PRKCB: variants seen among roughly 807,000 people sequenced by gnomAD.
PRKCB encodes the protein protein kinase C beta, also known as protein kinase C beta type.
Under a neutral mutation model 81.5 loss-of-function variants are expected in PRKCB, and 13 were observed. The observed-to-expected ratio is 0.16, with a 90% CI of 0.10 to 0.25. PRKCB has a LOEUF of 0.25. Among genes scored for constraint, PRKCB ranks in the 10% least tolerant of loss-of-function variants. The pLI is 1.00. For synonymous variants in PRKCB, 335 were observed against 321.4 expected (o/e 1.04, Z -0.45); for missense variants, 509 against 875.7 (o/e 0.58, Z 5.29).
chr16:24,118,523 T>C (rs1363871982), intron 8 of PRKCB, among the ~76,000 whole-genome samples: 1 of 152,126 alleles, frequency 6.6e-6, no homozygotes, highest in African/African-American at 2.4e-5. Flanking sequence ...TAGTTCCTTG[T>C]AGGGGTGGAG....
intron 2 of PRKCB, among the ~76,000 whole-genome samples, chr16:23,882,005 TCTTTCTTTCTTTCTTTCTTC>T (rs1370303707): frequency 0.014 from 894 of 62,874 alleles, 10 homozygotes; most frequent in African/African-American, 0.02. Flanking sequence ...TTTCTTTCTT[TCTTTCTTTCTTTCTTTCTTC>T]CTTCCTTCCT....
chr16:24,026,867 C>T (rs1002475993), intron 3 of PRKCB, among the ~76,000 whole-genome samples: 1 of 152,200 alleles, frequency 6.6e-6, no homozygotes, highest in African/African-American at 2.4e-5. Flanking sequence ...CGAGCTCCAC[C>T]ACTGGGGTCT....
intron 2 of PRKCB, among the ~76,000 whole-genome samples, chr16:23,880,709 CA>C (rs1476427506): frequency 6.9e-6 from 1 of 144,890 alleles, no homozygotes; most frequent in East Asian, 1.9e-4. Flanking sequence ...TTCGCTAAAA[CA>C]TTTTTTTTTC....
At chr16:24,201,274 T>C (rs1432330848) in intron 16 of PRKCB, among the ~76,000 whole-genome samples, 1 of 152,136 alleles carries the variant, frequency 6.6e-6, no homozygotes, top group Non-Finnish European at 1.5e-5. Flanking sequence ...AACTGACTTT[T>C]AAGCAAAAAA....
chr16:24,050,898 G>T (rs910633341), intron 5 of PRKCB, among the ~76,000 whole-genome samples: 3 of 151,804 alleles, frequency 2.0e-5, no homozygotes, highest in African/African-American at 7.3e-5. Context: ...CTATCACATC[G>T]GGTGCTGCTA....
intron 2 of PRKCB, among the ~76,000 whole-genome samples, chr16:23,976,317 GC>G (rs1024559529): frequency 6.6e-6 from 1 of 151,514 alleles, no homozygotes; most frequent in Non-Finnish European, 1.5e-5. Context: ...CACAAAAACC[GC>G]CCCCCCAAAA....
At chr16:23,990,468 A>G (rs965853494) in intron 3 of PRKCB, among the ~76,000 whole-genome samples, 1 of 151,064 alleles carries the variant, frequency 6.6e-6, no homozygotes, top group Non-Finnish European at 1.5e-5. Context: ...GAAAAAAAAG[A>G]AAAAAAAGAA....
At chr16:24,174,055 C>T (rs1047013917) in intron 11 of PRKCB, among the ~76,000 whole-genome samples, 1 of 152,164 alleles carries the variant, frequency 6.6e-6, no homozygotes, top group Non-Finnish European at 1.5e-5. Context: ...GTTGCTCAGA[C>T]TGGAATGCAT....
chr16:24,174,831 G>C (rs1484109161), intron 12 of PRKCB: 1 of 421,736 alleles, frequency 2.4e-6, no homozygotes, highest in African/African-American at 2.0e-5. Context: ...ACAGGAGACT[G>C]TTTGCTCTAA....
At chr16:24,093,016 G>GGAGGAAC in intron 6 of PRKCB, 69 bp downstream of exon 6, 1 of 1,503,308 alleles carries the variant, frequency 6.7e-7, no homozygotes, top group Non-Finnish European at 9.0e-7. Flanking sequence ...AAATCAGGGA[G>GGAGGAAC]TTCCTCCTCC....
At chr16:24,067,231 A>G (rs1393005932) in intron 5 of PRKCB, among the ~76,000 whole-genome samples, 2 of 152,112 alleles carry the variant, frequency 1.3e-5, no homozygotes, top group Admixed American at 6.6e-5. Flanking sequence ...AAACATCTTA[A>G]TAAGTTATTT....
At chr16:23,924,873 C>T (rs1316997491) in intron 2 of PRKCB, among the ~76,000 whole-genome samples, 1 of 152,034 alleles carries the variant, frequency 6.6e-6, no homozygotes, top group Non-Finnish European at 1.5e-5. Context: ...CAATTATAAA[C>T]AACAACAACA....
chr16:23,842,894 T>C (rs1405610848), intron 2 of PRKCB, among the ~76,000 whole-genome samples: 1 of 152,210 alleles, frequency 6.6e-6, no homozygotes, highest in Non-Finnish European at 1.5e-5. Flanking sequence ...TTTTATTTTC[T>C]ATGGAAAGCT....
chr16:23,983,596 CA>C (rs1964765856), intron 2 of PRKCB, among the ~76,000 whole-genome samples: 1 of 152,024 alleles, frequency 6.6e-6, no homozygotes, highest in Non-Finnish European at 1.5e-5. Flanking sequence ...ATTCATTCAC[CA>C]AACATTTATT....
At chr16:23,936,413 T>C (rs911773044) in intron 2 of PRKCB, among the ~76,000 whole-genome samples, 39 of 151,986 alleles carry the variant, frequency 2.6e-4, no homozygotes, top group Admixed American at 3.9e-4. Flanking sequence ...TTAAAATAGA[T>C]GTAGAGTATA....
At position 24,049,423 on chromosome 16, in the gene PRKCB, A is replaced by C. The variant is rs75300147; in HGVS notation, c.529+13876A>C. The stretch of plus-strand genomic sequence containing the variant: ...TACCCTGGCACATCCAGGACCTGCA[A>C]CCTTAACCACTAACCTGGCACATCC... On this transcript the variant is annotated intron_variant, in intron 5 of 16. Coordinates refer to ENST00000643927, the MANE Select transcript of PRKCB (RefSeq NM_002738.7). Among the ~76,000 whole-genome samples the C allele has an allele frequency of 3.3e-3, 310 of 94,450 alleles. 3 individuals are homozygous for C. The highest frequency in any genetic ancestry group is 7.2e-3 in the Middle Eastern group (1 of 138). The allele number at this position is 94,450 out of a possible 152,430, so 62.0% of individuals were successfully genotyped here.
chr16:24,181,951 G>A (rs557752466), intron 13 of PRKCB, among the ~76,000 whole-genome samples: 7 of 152,178 alleles, frequency 4.6e-5, no homozygotes, highest in Non-Finnish European at 1.0e-4. Context: ...GAATTGTAAA[G>A]AGAAATTTAG....
chr16:24,033,280 G>C (rs756804906), intron 4 of PRKCB, among the ~76,000 whole-genome samples: 2 of 152,206 alleles, frequency 1.3e-5, no homozygotes, highest in Non-Finnish European at 2.9e-5. Context: ...AGAGAGGACT[G>C]TGAGGGTGAA....
chr16:24,081,331 A>G (rs1182925368), intron 5 of PRKCB, among the ~76,000 whole-genome samples: 4 of 152,192 alleles, frequency 2.6e-5, no homozygotes, highest in Non-Finnish European at 5.9e-5. Context: ...AAATTAACAT[A>G]TCAATTGATG....
Sources: allele counts gnomAD v4.1 joint callset (sites outside exome capture counted in the v4.1 genomes callset), GRCh38; gene constraint gnomAD v4.1.1; transcripts MANE v1.5; gene names NCBI Gene and HGNC (gene_info 2026-07-23, HGNC 2026-07-21).